HGFAC: variants seen among roughly 807,000 people sequenced by gnomAD.
HGFAC encodes HGF activator, also known as hepatocyte growth factor activator serine protease.
HGFAC carries 76 observed loss-of-function variants against 70.6 expected under a neutral mutation model. That is an observed-to-expected ratio of 1.08 (90% CI 0.89 to 1.30). The LOEUF is 1.30. Ranked by LOEUF, HGFAC falls within the 50% of genes most tolerant of loss-of-function variation. The pLI, the probability that HGFAC is intolerant of heterozygous loss-of-function variation, is 0.00. For synonymous variants in HGFAC, 464 were observed against 405.3 expected, an observed-to-expected ratio of 1.14 and a Z score of -1.74; for missense variants, 1,044 against 933.7, an observed-to-expected ratio of 1.12 and a Z score of -1.54.
In HGFAC at chr4:3,446,849, G is replaced by C. The variant is rs555976333; in HGVS notation, c.1355+555G>C. On this transcript the variant is annotated intron_variant, in intron 10 of 13. Transcript: ENST00000382774. ...ATGGGCACCCCAGTGATTAGGGGCAGGGGTCCGGCCAGCCGAGGGTCTGGC... is the reference window on the plus strand; with the variant it reads ...ATGGGCACCCCAGTGATTAGGGGCACGGGTCCGGCCAGCCGAGGGTCTGGC... Among the ~76,000 whole-genome samples the C allele has an allele frequency of 6.2e-4, 95 of 152,338 alleles. 1 individual carries two copies. Among genetic ancestry groups the C allele is most frequent in the African/African-American group, 2.1e-3 (89 of 41,592 alleles).
At chr4:3,445,575 G>A (rs989663032) in intron 9 of HGFAC, 16 of 605,882 alleles carry the variant, frequency 2.6e-5, no homozygotes, top group African/African-American at 2.0e-4. Context: ...CGACGGCCTC[G>A]GGGTGGCACC....
chr4:3,442,091 A>G lies in HGFAC; in HGVS notation c.90A>G (p.Pro30=). The G allele has an allele frequency of 6.4e-7, 1 of 1,559,846 alleles. No homozygotes were observed. The highest frequency in any genetic ancestry group is 8.6e-7 in the Non-Finnish European group (1 of 1,164,486). The change falls in exon 1 of 14, where the codon CCA becomes CCG. Residue 30 remains proline, a synonymous_variant. Coordinates refer to ENST00000382774, the MANE Select transcript of HGFAC (RefSeq NM_001528.4). ...TCCTCCTGCTGCTGCTGCTGCTGCCACGGGGGTTCCAGCCCCAGCCTGGCG... is the reference window on the plus strand; with the variant it reads ...TCCTCCTGCTGCTGCTGCTGCTGCCGCGGGGGTTCCAGCCCCAGCCTGGCG... The part of the protein sequence containing the change: ...LLLLLLLLLL[P]RGFQPQPGGN...
At position 3,442,006 on chromosome 4, in the gene HGFAC, G is replaced by T; in HGVS notation, c.5G>T (p.Gly2Val). 1 of 1,495,250 alleles carries T rather than the reference G, an allele frequency of 6.7e-7. No individual in the cohort carries two copies. The allele number at this position is 1,495,250 out of a possible 1,614,324, so 92.6% of individuals were successfully genotyped here. The change falls in exon 1 of 14, where the codon GGG becomes GTG. Residue 2 changes from glycine to valine, a missense_variant. By Grantham distance (109) the Gly-to-Val change is moderately radical. Transcript: ENST00000382774. ...CCTCAGGCCAGCTCAGGAGCCATGG[G>T]GCGCTGGGCCTGGGTCCCCAGCCCC... Reference protein sequence around the residue: MGRWAWVPSPWP... With the variant: MVRWAWVPSPWP...
At chr4:3,448,791 A>G (rs1040081173) in intron 13 of HGFAC, among the ~76,000 whole-genome samples, 2 of 151,998 alleles carry the variant, frequency 1.3e-5, no homozygotes, top group Admixed American at 6.5e-5. Context: ...CAGGCAGTCA[A>G]TTCACTCTTC....
chr4:3,448,089 A>G, intron 12 of HGFAC, 39 bp from the exon 13 acceptor site: 1 of 1,565,784 alleles, frequency 6.4e-7, no homozygotes, highest in Middle Eastern at 1.8e-4. Context: ...GTGGCCAGCC[A>G]CAGTGTGGGT....
chr4:3,448,086 G>A, intron 12 of HGFAC, 42 bp from the exon 13 acceptor site: 1 of 1,564,352 alleles, frequency 6.4e-7, no homozygotes. Context: ...ACAGTGGCCA[G>A]CCACAGTGTG....
chr4:3,448,918 G>T (rs191573978), intron 13 of HGFAC, among the ~76,000 whole-genome samples: 3 of 152,168 alleles, frequency 2.0e-5, no homozygotes, highest in Non-Finnish European at 2.9e-5. Flanking sequence ...TGAGTGATGC[G>T]TAGGAGTTTT....
chr4:3,443,305 C>T (rs1490934852), intron 3 of HGFAC, 36 bp from the exon 4 acceptor site: 2 of 1,522,556 alleles, frequency 1.3e-6, no homozygotes, highest in East Asian at 2.5e-5. Context: ...GGGGCCTCTG[C>T]CTGGGACCCC....
rs1577126519 is a variant in HGFAC at position 3,446,296 on chromosome 4, T to G, written c.1355+2T>G. 2 of 1,603,674 alleles carry G rather than the reference T, an allele frequency of 1.2e-6. No individual in the cohort carries two copies. The highest frequency in any genetic ancestry group is 1.7e-4 in the Middle Eastern group (1 of 5,936). On this transcript the variant is annotated splice_donor_variant, in intron 10 of 13. Transcript: ENST00000382774. LOFTEE classifies it high-confidence loss of function. ...GGCCGCCCACTGCTTCTCCCACAGG[T>G]GCACCTCCTCTGGGCCCCAGTCACC...
chr4:3,447,892 C>T lies in HGFAC; in HGVS notation c.1496-3C>T, dbSNP rs899119342. 3 of 1,610,738 alleles carry T rather than the reference C, an allele frequency of 1.9e-6. No homozygotes were observed. The highest frequency in any genetic ancestry group is 2.5e-6 in the Non-Finnish European group (3 of 1,178,862). ...GGCTGACCCTGGCCACTCTTCTGAT[C>T]AGTCCTGATCCGGCTGAAGAAGAAA... On this transcript the variant is annotated splice_polypyrimidine_tract_variant and splice_region_variant and intron_variant, in intron 11 of 13. Transcript: ENST00000382774.
rs149401735 is a variant in HGFAC, at chr4:3,442,865, C to T, written c.251C>T (p.Pro84Leu). Residue 84 changes from proline (P) to leucine (L), a missense_variant, in exon 2 of 14, where the codon CCG becomes CTG. Coordinates refer to ENST00000382774, the MANE Select transcript of HGFAC (RefSeq NM_001528.4). ...EAEGPQSGGLPPPPRAVPSSS... is the reference protein window; with the variant it reads ...EAEGPQSGGLLPPPRAVPSSS... ...GAGGGACCCCAAAGTGGGGGGCTCCCGCCCCCGCCCAGGGCAGTTCCCTCG... is the reference window on the plus strand; with the variant it reads ...GAGGGACCCCAAAGTGGGGGGCTCCTGCCCCCGCCCAGGGCAGTTCCCTCG... 1.7e-5 allele frequency: 27 copies of T among 1,572,834 alleles called. No individual in the cohort carries two copies. The African/African-American group carries it at 2.3e-4, about 14-fold the overall frequency.
intron 1 of HGFAC, among the ~76,000 whole-genome samples, chr4:3,442,446 C>T (rs1725347601): frequency 6.6e-6 from 1 of 152,162 alleles, no homozygotes; most frequent in African/African-American, 2.4e-5. Context: ...CCTCCCAGGG[C>T]CTCCTAGCTG....
upstream of HGFAC, chr4:3,441,857 C>T (rs1256532258): frequency 7.6e-6 from 4 of 527,766 alleles, no homozygotes; most frequent in Non-Finnish European, 9.8e-6. The surrounding 1 kb of genome is among the most constrained non-coding windows in gnomAD (Gnocchi z 6.0). Context: ...GTGTGGGGGC[C>T]AGGGGACTCG....
chr4:3,448,997 C>T (rs968700117), intron 13 of HGFAC, among the ~76,000 whole-genome samples: 1 of 152,102 alleles, frequency 6.6e-6, no homozygotes, highest in African/African-American at 2.4e-5. Context: ...ACACAGGGTT[C>T]ATGCTGGTGG....
chr4:3,442,882 G>A lies in HGFAC; in HGVS notation c.268G>A (p.Val90Ile). ...SGGLPPPPRA[V>I]PSSSSPQAQA... ...GGGGCTCCCGCCCCCGCCCAGGGCA[G>A]TTCCCTCGAGCAGTAGCCCCCAGGC... is the stretch of plus-strand genomic sequence containing the variant. Residue 90 changes from valine to isoleucine, a missense_variant, in exon 2 of 14, where the codon GTT (valine) becomes ATT (isoleucine). By Grantham distance (29) the Val-to-Ile change is conservative. Transcript: ENST00000382774. The A allele has an allele frequency of 6.4e-7, 1 of 1,567,436 alleles. No homozygotes were observed. Among genetic ancestry groups the A allele is most frequent in the Non-Finnish European group, 8.6e-7 (1 of 1,160,920 alleles).
At chr4:3,445,476 A>C in intron 9 of HGFAC, 126 bp downstream of exon 9, 1 of 739,678 alleles carries the variant, frequency 1.4e-6, no homozygotes, top group Admixed American at 2.1e-5. Context: ...ACTGGAGCTC[A>C]CGGGATCAGG....
chr4:3,441,193 C>T (rs559473482), upstream of HGFAC, among the ~76,000 whole-genome samples: 254 of 152,302 alleles, frequency 1.7e-3, 1 homozygote, highest in Middle Eastern at 0.02. This position sits in a 1 kb window ranked among gnomAD's most constrained non-coding sequence, Gnocchi z 6.0. Context: ...GGGTACCTGG[C>T]CCAGGGTTGT....
At chr4:3,445,717 C>T (rs545273571) in intron 9 of HGFAC, 61 of 720,368 alleles carry the variant, frequency 8.5e-5, no homozygotes, top group South Asian at 2.6e-4. Context: ...CCTAGGACCC[C>T]GGCGGGGCCA....
chr4:3,444,290 G>T, intron 5 of HGFAC, 21 bp from the exon 6 acceptor site: 1 of 1,576,726 alleles, frequency 6.3e-7, no homozygotes, highest in East Asian at 2.3e-5. Flanking sequence ...AGGGTGTGAG[G>T]GCTTACTGTG....
Sources: gnomAD v4.1 joint callset for allele counts (sites outside exome capture counted in the v4.1 genomes callset) on GRCh38, gnomAD v4.1.1 for gene constraint, Gnocchi (gnomAD v3.1) non-coding constraint, MANE v1.5 for transcripts, NCBI Gene and HGNC (gene_info 2026-07-23, HGNC 2026-07-21) for gene names.